Variants in HSPA4L observed in about 807,000 individuals in gnomAD.
HSPA4L encodes the protein heat shock protein family A (Hsp70) member 4 like.
A neutral mutation model predicts 100.3 loss-of-function variants in HSPA4L; 48 were observed. That is an observed-to-expected ratio of 0.48 (90% CI 0.38 to 0.61). The LOEUF (loss-of-function observed/expected upper bound fraction) is 0.61. Ranked by LOEUF, HSPA4L falls within the 20% of genes least tolerant of loss-of-function variation. HSPA4L has a pLI of 0.00. For synonymous variants in HSPA4L, 319 were observed against 328.2 expected, an observed-to-expected ratio of 0.97 and a Z score of 0.30; for missense variants, 886 against 988.6, an observed-to-expected ratio of 0.90 and a Z score of 1.39.
At chr4:127,825,058 T>G (rs1202146689) in intron 16 of HSPA4L, among the ~76,000 whole-genome samples, 1 of 151,470 alleles carries the variant, frequency 6.6e-6, no homozygotes, top group Non-Finnish European at 1.5e-5. Flanking sequence ...GAGAATGGCG[T>G]GAACCCAGGA....
intron 11 of HSPA4L, among the ~76,000 whole-genome samples, chr4:127,808,495 T>G (rs530756248): frequency 6.6e-6 from 1 of 152,154 alleles, no homozygotes; most frequent in Non-Finnish European, 1.5e-5. Context: ...AGAGATGATA[T>G]AGACTTAAGA....
Position 127,818,414 on chromosome 4 carries a change from A to C in HSPA4L, c.1668A>C (p.Lys556Asn). ...PEEEIDHTGA[K>N]TKSAVSDKQD... ...AGGAAATTGATCATACAGGAGCCAA[A>C]ACAAAGGTTTGGTTTACTTTTTCTG... Residue 556 changes from lysine to asparagine, a missense_variant, in exon 13 of 19, where the codon AAA becomes AAC. Coordinates refer to ENST00000296464, the MANE Select transcript of HSPA4L (RefSeq NM_014278.4). The C allele has an allele frequency of 6.3e-7, 1 of 1,596,106 alleles. No homozygotes were observed. The highest frequency in any genetic ancestry group is 8.5e-7 in the Non-Finnish European group (1 of 1,169,626).
intron 14 of HSPA4L, among the ~76,000 whole-genome samples, chr4:127,821,897 A>G (rs2148796778): frequency 6.6e-6 from 1 of 152,258 alleles, no homozygotes; most frequent in South Asian, 2.1e-4. Context: ...GGAACCTAGG[A>G]TTTTAATCTG....
chr4:127,816,603 T>A (rs1209578328), intron 12 of HSPA4L, among the ~76,000 whole-genome samples: 3 of 152,110 alleles, frequency 2.0e-5, no homozygotes, highest in East Asian at 3.8e-4. Context: ...TGAAAACAGG[T>A]TGTGATAAAG....
At chr4:127,809,401 T>G (rs895147975) in intron 11 of HSPA4L, 4 of 1,233,230 alleles carry the variant, frequency 3.2e-6, no homozygotes, top group Non-Finnish European at 4.8e-6. Context: ...GCACATTCAT[T>G]TGGATACTTC....
intron 12 of HSPA4L, among the ~76,000 whole-genome samples, chr4:127,812,270 G>A (rs1031676236): frequency 2.6e-5 from 4 of 151,970 alleles, no homozygotes; most frequent in Non-Finnish European, 4.4e-5. Context: ...TTAGCCGGGC[G>A]TGGTGGCAGG....
chr4:127,812,693 CTTTA>C (rs1280194307), intron 12 of HSPA4L: 3 of 794,002 alleles, frequency 3.8e-6, no homozygotes, highest in East Asian at 5.0e-5. Context: ...CCCAGAGGTC[CTTTA>C]TTTTTTTTTT....
chr4:127,782,407 C>A lies in HSPA4L; in HGVS notation c.-144C>A. 1 of 663,954 alleles carries A rather than the reference C, an allele frequency of 1.5e-6. No individual in the cohort carries two copies. The highest frequency in any genetic ancestry group is 2.8e-5 in the East Asian group (1 of 36,068). 41.1% of individuals were successfully genotyped at this position (663,954 alleles called of 1,614,324 possible). On this transcript the variant is annotated 5_prime_UTR_variant, in exon 1 of 19. Transcript: ENST00000296464. ...CCTTCCGCGGGTTTCCGACTCCCTG[C>A]CCTAGATTTTCTGCTTAGCGACTTG...
chr4:127,790,767 C>G (rs1732852643), intron 1 of HSPA4L, among the ~76,000 whole-genome samples: 2 of 152,178 alleles, frequency 1.3e-5, no homozygotes, highest in Non-Finnish European at 2.9e-5. Context: ...TGTCACTTGC[C>G]TCTTCTTACT....
chr4:127,820,133 C>T (rs1356275678), intron 13 of HSPA4L, among the ~76,000 whole-genome samples: 1 of 152,074 alleles, frequency 6.6e-6, no homozygotes, highest in Non-Finnish European at 1.5e-5. Context: ...TGAGGGGTTG[C>T]AGTTTCCCCA....
chr4:127,811,769 G>T (rs865776346), intron 12 of HSPA4L, 133 bp downstream of exon 12: 1 of 660,462 alleles, frequency 1.5e-6, no homozygotes, highest in Non-Finnish European at 2.6e-6. Flanking sequence ...GTGGGAATCT[G>T]TATAAAGTCT....
chr4:127,823,845 G>A (rs1035307759), intron 16 of HSPA4L, among the ~76,000 whole-genome samples: 3 of 151,982 alleles, frequency 2.0e-5, no homozygotes, highest in South Asian at 2.1e-4. Flanking sequence ...TCTTTCTTTG[G>A]GGGGGAGAAC....
intron 1 of HSPA4L, among the ~76,000 whole-genome samples, chr4:127,783,049 A>G (rs889318422): frequency 1.3e-5 from 2 of 152,116 alleles, no homozygotes; most frequent in Non-Finnish European, 2.9e-5. Flanking sequence ...ACGTGGGATT[A>G]TCGGCCCCGC....
intron 12 of HSPA4L, 102 bp downstream of exon 12, chr4:127,811,738 GT>G: frequency 1.2e-6 from 1 of 852,186 alleles, no homozygotes; most frequent in Non-Finnish European, 1.8e-6. Flanking sequence ...ACTCTCTGAG[GT>G]TTTGCTTTGA....
In HSPA4L at chr4:127,832,656, A is replaced by T. The variant is rs1324791226; in HGVS notation, c.2329-27A>T. ...GGTAACTTGTTCTGTAATCGTTTTA[A>T]TATAATCAATTTCTTCATGTCTTTA... On this transcript the variant is annotated intron_variant, in intron 18 of 18. Transcript: ENST00000296464. 1.3e-6 allele frequency: 2 copies of T among 1,525,822 alleles called. 1 individual carries two copies. Among genetic ancestry groups the T allele is most frequent in the South Asian group, 2.6e-5 (2 of 78,296 alleles). The allele number at this position is 1,525,822 out of a possible 1,614,324, so 94.5% of individuals were successfully genotyped here. A position where few individuals can be genotyped will look rare whatever the true frequency, so the allele number is the denominator to read the frequency against.
intron 1 of HSPA4L, among the ~76,000 whole-genome samples, chr4:127,791,368 G>GA (rs372005817): frequency 6.6e-6 from 1 of 152,194 alleles, no homozygotes; most frequent in South Asian, 2.1e-4. Context: ...TGATGAGCTA[G>GA]AAAAAAGGTC....
chr4:127,818,376 C>T lies in HSPA4L; in HGVS notation c.1630C>T (p.His544Tyr), dbSNP rs755849428. ...AGGGCATCAAAAATGTCATGCTGAA[C>T]ACACTCCAGAAGAGGAAATTGATCA... ...EEGHQKCHAE[H>Y]TPEEEIDHTG... Residue 544 changes from histidine (H) to tyrosine (Y), a missense_variant, in exon 13 of 19, where the codon CAC (histidine) becomes TAC (tyrosine). Coordinates refer to ENST00000296464, the MANE Select transcript of HSPA4L (RefSeq NM_014278.4). The T allele has an allele frequency of 2.5e-6, 4 of 1,612,422 alleles. No homozygotes were observed. Among genetic ancestry groups the T allele is most frequent in the Non-Finnish European group, 2.5e-6 (3 of 1,178,970 alleles).
At position 127,835,157 on chromosome 4, in the gene HSPA4L, AAAG is replaced by A. The variant is rs558636862; in HGVS notation, c.*2284_*2286del. 169 of 152,280 alleles carry A rather than the reference AAAG, an allele frequency of 1.1e-3. No homozygotes were observed. The highest frequency in any genetic ancestry group is 4.0e-3 in the African/African-American group (165 of 41,578). 9.4% of individuals were successfully genotyped at this position (152,280 alleles called of 1,614,324 possible). A position where few individuals can be genotyped will look rare whatever the true frequency, so the allele number is the denominator to read the frequency against. ...TGCTAGACAAAGATTTTCAAAATAAAAAGCTATTATTTCAGAAATTATTTTAAA... is the reference window on the plus strand; with the variant it reads ...TGCTAGACAAAGATTTTCAAAATAAACTATTATTTCAGAAATTATTTTAAA... On this transcript the variant is annotated 3_prime_UTR_variant, in exon 19 of 19. Transcript: ENST00000296464.
intron 12 of HSPA4L, among the ~76,000 whole-genome samples, chr4:127,813,669 G>T (rs935084963): frequency 1.3e-5 from 2 of 152,310 alleles, no homozygotes; most frequent in African/African-American, 4.8e-5. Flanking sequence ...GTTTGAGACA[G>T]TCTCGCTCTG....
Sources: gnomAD v4.1 joint callset for allele counts (sites outside exome capture counted in the v4.1 genomes callset) on GRCh38, gnomAD v4.1.1 for gene constraint, MANE v1.5 for transcripts, NCBI Gene and HGNC (gene_info 2026-07-23, HGNC 2026-07-21) for gene names.